ZDHHC23: variants seen among roughly 807,000 people sequenced by gnomAD.
ZDHHC23 encodes the protein zDHHC palmitoyltransferase 23.
Under a neutral mutation model 40.2 loss-of-function variants are expected in ZDHHC23, and 41 were observed. That is an observed-to-expected ratio of 1.02 (90% confidence interval 0.79 to 1.32). ZDHHC23 has a LOEUF of 1.32. ZDHHC23 is among the 40% of genes most tolerant of loss of function. ZDHHC23 has a pLI of 0.00. For missense variants in ZDHHC23, 471 were observed against 541.5 expected, an observed-to-expected ratio of 0.87 and a Z score of 1.29; for synonymous variants, 204 against 210.2, an observed-to-expected ratio of 0.97 and a Z score of 0.26.
chr3:113,954,414 T>A lies in ZDHHC23; in HGVS notation c.872+4T>A. On this transcript the variant is annotated splice_donor_region_variant and intron_variant, in intron 3 of 4. Coordinates refer to ENST00000638807, the MANE Select transcript of ZDHHC23 (RefSeq NM_001320466.2). ...GAATGGATCATCATTGTGTCTGGTA[T>A]GTTGGAAACATTTGGAGACTTGGAA... 3.8e-6 allele frequency: 6 copies of A among 1,568,380 alleles called. No homozygotes were observed. The highest frequency in any genetic ancestry group is 5.2e-6 in the Non-Finnish European group (6 of 1,156,732).
At chr3:113,965,450 T>G, downstream of ZDHHC23, 1 of 661,734 alleles carries the variant, frequency 1.5e-6, no homozygotes, top group South Asian at 2.4e-5. Flanking sequence ...AAATAATTCT[T>G]ATGTTAATAA....
the ZDHHC23 span, chr3:113,978,915 C>G: frequency 6.2e-7 from 1 of 1,614,078 alleles, no homozygotes; most frequent in South Asian, 1.1e-5. Flanking sequence ...ATTGATCAGC[C>G]TGGGCCATCT....
At position 113,960,902 on chromosome 3, in the gene ZDHHC23, G is replaced by A; in HGVS notation, c.*2272G>A. The A allele has an allele frequency of 9.6e-7, 1 of 1,046,900 alleles. No homozygotes were observed. Among genetic ancestry groups the A allele is most frequent in the Non-Finnish European group, 1.3e-6 (1 of 764,618 alleles). 64.9% of individuals were successfully genotyped at this position (1,046,900 alleles called of 1,614,324 possible). A position where few individuals can be genotyped will look rare whatever the true frequency, so the allele number is the denominator to read the frequency against. On this transcript the variant is annotated 3_prime_UTR_variant, in exon 5 of 5. Coordinates refer to ENST00000638807, the MANE Select transcript of ZDHHC23 (RefSeq NM_001320466.2). The stretch of plus-strand genomic sequence containing the variant: ...TCTTGTGTGGGAAAAGCCTTCCCAG[G>A]CGTCTGTACCGAAAGGAGCAGCAAA...
downstream of ZDHHC23, chr3:113,964,268 TATATA>T (rs1939891207): frequency 6.6e-6 from 1 of 152,224 alleles, no homozygotes; most frequent in Non-Finnish European, 1.5e-5. Flanking sequence ...TTGAATTTGT[TATATA>T]ATAAATGTGT....
intron 3 of ZDHHC23, 30 bp from the exon 4 acceptor site, chr3:113,956,309 T>G (rs753618707): frequency 1.3e-6 from 2 of 1,592,614 alleles, no homozygotes; most frequent in Non-Finnish European, 1.7e-6. Context: ...AAAATGTGTT[T>G]GCTTTTTTAT....
chr3:113,956,619 A>G, intron 4 of ZDHHC23, 113 bp downstream of exon 4: 7 of 1,138,084 alleles, frequency 6.2e-6, no homozygotes, highest in Admixed American at 3.1e-5. Flanking sequence ...AGGCCAGGCT[A>G]TGGAAATGCT....
Position 113,958,615 on chromosome 3 carries a change from C to A in ZDHHC23, c.1293C>A (p.Ala431=). 7 of 1,599,312 alleles carry A rather than the reference C, an allele frequency of 4.4e-6. No individual in the cohort carries two copies. Among genetic ancestry groups the A allele is most frequent in the East Asian group, 2.2e-5 (1 of 44,760 alleles). Residue 431 remains alanine (A), a synonymous_variant, in exon 5 of 5, where the codon GCC becomes GCA. Transcript: ENST00000638807. ...GCACACGTGCATTCCACCACCCTGC[C>A]GAGGACATTGTCTGAAGTGCCTTCT... The part of the protein sequence containing the change: ...TLGTRAFHHP[A]EDIV
Position 113,958,998 on chromosome 3 carries a change from A to G in ZDHHC23, c.*368A>G, listed in dbSNP as rs1189902049. ...GTCCCTCTTTCGATTCTTAATAGCC[A>G]TGTGACCCCTAGCTGAGTCACTTTC... On this transcript the variant is annotated 3_prime_UTR_variant, in exon 5 of 5. Transcript: ENST00000638807. 5 of 1,150,784 alleles carry G rather than the reference A, an allele frequency of 4.3e-6. No homozygotes were observed. In the Admixed American group the frequency reaches 1.1e-4, roughly 25 times the overall value. 71.3% of individuals were successfully genotyped at this position (1,150,784 alleles called of 1,614,324 possible). A position where few individuals can be genotyped will look rare whatever the true frequency, so the allele number is the denominator to read the frequency against.
the ZDHHC23 span, chr3:113,978,878 C>T: frequency 1.2e-6 from 2 of 1,613,948 alleles, no homozygotes; most frequent in Non-Finnish European, 1.7e-6. Context: ...CTCTGGATGA[C>T]TCTCTTAAGC....
At chr3:113,972,469 T>A in the ZDHHC23 span, among the ~76,000 whole-genome samples, 1 of 152,154 alleles carries the variant, frequency 6.6e-6, no homozygotes, top group Non-Finnish European at 1.5e-5. Flanking sequence ...TTTGAATTTG[T>A]TGAGAGTTGT....
In ZDHHC23 at chr3:113,958,666, T is replaced by C. The variant is rs930986162; in HGVS notation, c.*36T>C. 2 of 1,593,524 alleles carry C rather than the reference T, an allele frequency of 1.3e-6. No individual in the cohort carries two copies. The highest frequency in any genetic ancestry group is 2.7e-5 in the African/African-American group (2 of 74,866). The stretch of plus-strand genomic sequence containing the variant: ...ATGTGGCTCTCTGAGGGATGATGGC[T>C]CCTCCTTCCGTCTCCCTTCCATTTT... On this transcript the variant is annotated 3_prime_UTR_variant, in exon 5 of 5. Transcript: ENST00000638807.
intron 2 of ZDHHC23, among the ~76,000 whole-genome samples, chr3:113,952,078 G>A (rs6789408): frequency 0.057 from 8,709 of 151,996 alleles, 308 homozygotes; most frequent in East Asian, 0.12. Flanking sequence ...TGGAGGTTGC[G>A]GTGAGCTGAG....
Position 113,956,362 on chromosome 3 carries a change from C to G in ZDHHC23, c.896C>G (p.Ser299Ter). The G allele has an allele frequency of 6.2e-7, 1 of 1,614,034 alleles. No homozygotes were observed. The highest frequency in any genetic ancestry group is 8.5e-7 in the Non-Finnish European group (1 of 1,180,006). Residue 299 changes from serine to a stop codon, truncating the protein, a stop_gained, in exon 4 of 5, where the codon TCA (serine) becomes TGA (stop). Coordinates refer to ENST00000638807, the MANE Select transcript of ZDHHC23 (RefSeq NM_001320466.2). LOFTEE classifies it high-confidence loss of function. ...CVWINSCVGE[S>*]NHQAFILALL... ...AGGATAAATAGCTGCGTTGGAGAATCAAATCATCAAGCATTTATACTTGCC... is the reference window on the plus strand; with the variant it reads ...AGGATAAATAGCTGCGTTGGAGAATGAAATCATCAAGCATTTATACTTGCC...
rs1939818281 is a variant in ZDHHC23, at chr3:113,963,255, G to T, written c.*4625G>T. The T allele has an allele frequency of 1.3e-5, 2 of 152,112 alleles. No individual in the cohort carries two copies. The highest frequency in any genetic ancestry group is 1.3e-4 in the Admixed American group (2 of 15,272). The allele number at this position is 152,112 out of a possible 1,614,324, so 9.4% of individuals were successfully genotyped here. On this transcript the variant is annotated 3_prime_UTR_variant, in exon 5 of 5. Coordinates refer to ENST00000638807, the MANE Select transcript of ZDHHC23 (RefSeq NM_001320466.2). ...AAACTATTTCCATTGTATCTCTTTA[G>T]AAGGCTCTGTATTCGGTAAAAAGTC...
At chr3:113,953,141 G>A (rs1029942507) in intron 2 of ZDHHC23, among the ~76,000 whole-genome samples, 1 of 152,054 alleles carries the variant, frequency 6.6e-6, no homozygotes, top group Non-Finnish European at 1.5e-5. Flanking sequence ...TGCCAGGTAT[G>A]TGCTGCACAC....
the ZDHHC23 span, among the ~76,000 whole-genome samples, chr3:113,975,758 C>CTTTG: frequency 6.6e-6 from 1 of 152,254 alleles, no homozygotes; most frequent in African/African-American, 2.4e-5. Flanking sequence ...CAGAAGTGAG[C>CTTTG]TTTGTTTGTC....
chr3:113,971,999 G>T, the ZDHHC23 span, among the ~76,000 whole-genome samples: 3 of 151,938 alleles, frequency 2.0e-5, no homozygotes, highest in African/African-American at 7.2e-5. Context: ...GTGATTCTTT[G>T]TATTTTTGAT....
Position 113,954,129 on chromosome 3 carries a change from T to C in ZDHHC23, c.591T>C (p.Asn197=). 6.2e-7 allele frequency: 1 copy of C among 1,614,166 alleles called. No individual in the cohort carries two copies. Among genetic ancestry groups the C allele is most frequent in the Non-Finnish European group, 8.5e-7 (1 of 1,180,046 alleles). The change falls in exon 3 of 5, where the codon AAT becomes AAC. Residue 197 remains asparagine, a synonymous_variant. Coordinates refer to ENST00000638807, the MANE Select transcript of ZDHHC23 (RefSeq NM_001320466.2). Reference sequence around the variant, plus strand: ...AGAAGAATCCAGGCTACCTCAGCAATCCAGCAAGCGGTGACAGATCTCTAA... The same window carrying C: ...AGAAGAATCCAGGCTACCTCAGCAACCCAGCAAGCGGTGACAGATCTCTAA... ...RAKKNPGYLS[N]PASGDRSLSS...
intron 3 of ZDHHC23, among the ~76,000 whole-genome samples, chr3:113,954,732 G>T (rs933996008): frequency 4.6e-5 from 7 of 151,746 alleles, no homozygotes; most frequent in Non-Finnish European, 1.0e-4. Context: ...TTTAAAAAAA[G>T]AATTGATCAG....
Sources: allele counts gnomAD v4.1 joint callset (sites outside exome capture counted in the v4.1 genomes callset), GRCh38; gene constraint gnomAD v4.1.1; transcripts MANE v1.5; gene names NCBI Gene and HGNC (gene_info 2026-07-23, HGNC 2026-07-21).